SYK: variants seen among roughly 807,000 people sequenced by gnomAD.
SYK encodes spleen associated tyrosine kinase, also known as tyrosine-protein kinase SYK.
Under a neutral mutation model 77.8 loss-of-function variants are expected in SYK, and 16 were observed. That is an observed-to-expected ratio of 0.21 (90% CI 0.14 to 0.31). The LOEUF is 0.31. SYK is among the 10% of genes least tolerant of loss of function. SYK has a pLI of 1.00. For missense variants in SYK, 529 were observed against 814.4 expected (o/e 0.65, Z 4.26); for synonymous variants, 312 against 308.7 (o/e 1.01, Z -0.11).
rs567520657 is a variant in SYK, at chr9:90,841,068, T to C, written c.-41-2790T>C. 4.9e-3 allele frequency among the ~76,000 whole-genome samples: 738 copies of C among 152,054 alleles called. 1 individual carries two copies. The highest frequency in any genetic ancestry group is 7.9e-3 in the Non-Finnish European group (536 of 67,960). ...TGTATGTAGTGTAGTGTTAGTTGTG[T>C]GTACTATGGTGTGTGTGTGGCATGT... On this transcript the variant is annotated intron_variant, in intron 1 of 13. Coordinates refer to ENST00000375754, the MANE Select transcript of SYK (RefSeq NM_003177.7).
intron 2 of SYK, 37 bp from the exon 3 acceptor site, chr9:90,845,397 C>T (rs372610733): frequency 7.0e-6 from 11 of 1,572,284 alleles, no homozygotes; most frequent in Admixed American, 1.9e-5. Context: ...CATTTTTCCT[C>T]GGTATGGTTT....
chr9:90,822,471 A>C (rs1246898174), intron 1 of SYK, among the ~76,000 whole-genome samples: 1 of 152,264 alleles, frequency 6.6e-6, no homozygotes, highest in African/African-American at 2.4e-5. Flanking sequence ...TCTCAAAATG[A>C]GAATCTGCTA....
chr9:90,826,431 C>G (rs1825668848), intron 1 of SYK, among the ~76,000 whole-genome samples: 1 of 152,252 alleles, frequency 6.6e-6, no homozygotes, highest in Non-Finnish European at 1.5e-5. Context: ...AGATGTACAG[C>G]CAACCTCTTC....
At position 90,874,597 on chromosome 9, in the gene SYK, A is replaced by G. The variant is rs1225741632; in HGVS notation, c.1004-75A>G. 10 of 1,488,330 alleles carry G rather than the reference A, an allele frequency of 6.7e-6. No homozygotes were observed. In the Middle Eastern group the frequency reaches 8.9e-4, roughly 133 times the overall value. The allele number at this position is 1,488,330 out of a possible 1,614,324, so 92.2% of individuals were successfully genotyped here. The stretch of plus-strand genomic sequence containing the variant: ...CTACTCTGAGTTCATATTCCCATGA[A>G]GATCATGTTCTTGGAAGGATGAATC... On this transcript the variant is annotated intron_variant, in intron 8 of 13. Coordinates refer to ENST00000375754, the MANE Select transcript of SYK (RefSeq NM_003177.7).
chr9:90,855,776 G>A (rs1035993645), intron 3 of SYK, among the ~76,000 whole-genome samples: 18 of 151,718 alleles, frequency 1.2e-4, no homozygotes, highest in South Asian at 2.1e-4. Flanking sequence ...AGATGTCTGC[G>A]TTCCATCCCC....
chr9:90,871,526 C>G lies in SYK; in HGVS notation c.916-2678C>G, dbSNP rs536912674. On this transcript the variant is annotated intron_variant, in intron 7 of 13. Transcript: ENST00000375754. ...AAACTCCTCAAATTTTTCTTTTTAACTGAGCATTTTCTTTTAGAGATTGTT... is the reference window on the plus strand; with the variant it reads ...AAACTCCTCAAATTTTTCTTTTTAAGTGAGCATTTTCTTTTAGAGATTGTT... Among the ~76,000 whole-genome samples, 4 of 152,198 alleles carry G rather than the reference C, an allele frequency of 2.6e-5. No individual in the cohort carries two copies. In the South Asian group the frequency reaches 8.3e-4, roughly 32 times the overall value.
chr9:90,855,913 CTGGGCTGGATTAACAACTATGATCATT>C (rs1827021903), intron 3 of SYK, among the ~76,000 whole-genome samples: 1 of 152,110 alleles, frequency 6.6e-6, no homozygotes, highest in Non-Finnish European at 1.5e-5. Flanking sequence ...TGTTACCTAC[CTGGGCTGGATTAACAACTATGATCATT>C]TGAGATTTTC....
intron 9 of SYK, among the ~76,000 whole-genome samples, chr9:90,876,351 G>T (rs114498092): frequency 0.013 from 1,880 of 147,716 alleles, 40 homozygotes; most frequent in African/African-American, 0.045. Flanking sequence ...CTGTCCCTTC[G>T]ATTTGTTTTT....
At chr9:90,840,705 A>AAAAC (rs1826274090) in intron 1 of SYK, among the ~76,000 whole-genome samples, 1 of 152,232 alleles carries the variant, frequency 6.6e-6, no homozygotes, top group Non-Finnish European at 1.5e-5. Flanking sequence ...GATATACTTT[A>AAAAC]AAAAACAAAA....
At chr9:90,887,405 CTTT>C (rs3056951) in intron 11 of SYK, among the ~76,000 whole-genome samples, 1 of 128,934 alleles carries the variant, frequency 7.8e-6, no homozygotes, top group Admixed American at 8.1e-5. Context: ...TTCTTTCTTT[CTTT>C]TTTTTTTTTT....
intron 1 of SYK, among the ~76,000 whole-genome samples, chr9:90,812,590 A>G (rs1825121060): frequency 6.6e-6 from 1 of 152,190 alleles, no homozygotes; most frequent in Non-Finnish European, 1.5e-5. Flanking sequence ...CAGCTAGTTC[A>G]TAGGATTTCA....
At chr9:90,877,358 T>C (rs7867867) in intron 9 of SYK, among the ~76,000 whole-genome samples, 10,360 of 152,302 alleles carry the variant, frequency 0.068, 456 homozygotes, top group Middle Eastern at 0.13. Flanking sequence ...CATTCTTTTT[T>C]AGTAATGGAG....
intron 3 of SYK, among the ~76,000 whole-genome samples, chr9:90,852,520 G>C (rs1826857349): frequency 6.6e-6 from 1 of 152,192 alleles, no homozygotes; most frequent in Admixed American, 6.5e-5. Flanking sequence ...TTTAAAGATG[G>C]AAGTATTGTT....
At position 90,896,708 on chromosome 9, in the gene SYK, G is replaced by T. The variant is rs1829002795; in HGVS notation, c.*1108G>T. 1 of 231,006 alleles carries T rather than the reference G, an allele frequency of 4.3e-6. No homozygotes were observed. The highest frequency in any genetic ancestry group is 6.1e-5 in the East Asian group (1 of 16,284). The allele number at this position is 231,006 out of a possible 1,614,324, so 14.3% of individuals were successfully genotyped here. A position where few individuals can be genotyped will look rare whatever the true frequency, so the allele number is the denominator to read the frequency against. The stretch of plus-strand genomic sequence containing the variant: ...TTAACTAATCCTCATCTTCATGTTT[G>T]ATCTTTAAGAAGTCATCACCCATTG... On this transcript the variant is annotated 3_prime_UTR_variant, in exon 14 of 14. Transcript: ENST00000375754.
At chr9:90,831,749 G>A (rs781077641) in intron 1 of SYK, among the ~76,000 whole-genome samples, 1 of 152,186 alleles carries the variant, frequency 6.6e-6, no homozygotes, top group South Asian at 2.1e-4. Flanking sequence ...CGTTGAGGTC[G>A]CACAAGGTGA....
At chr9:90,867,272 G>A in intron 7 of SYK, 73 bp downstream of exon 7, 5 of 1,484,234 alleles carry the variant, frequency 3.4e-6, no homozygotes, top group Non-Finnish European at 4.7e-6. Context: ...CGCCCGCCCA[G>A]TCTGCCCTGT....
chr9:90,865,790 C>T (rs1827461706), intron 6 of SYK, among the ~76,000 whole-genome samples: 1 of 152,036 alleles, frequency 6.6e-6, no homozygotes, highest in Non-Finnish European at 1.5e-5. Context: ...ATTCACAGGA[C>T]CTCAGCTGTC....
intron 11 of SYK, among the ~76,000 whole-genome samples, chr9:90,884,342 C>T (rs1261407159): frequency 2.2e-5 from 3 of 135,764 alleles, no homozygotes; most frequent in African/African-American, 5.6e-5. Context: ...TATATATACA[C>T]ACATACACAT....
At chr9:90,887,594 T>TG (rs1460764952) in intron 11 of SYK, among the ~76,000 whole-genome samples, 155 bp from the exon 12 acceptor site, 1 of 151,882 alleles carries the variant, frequency 6.6e-6, no homozygotes, top group Non-Finnish European at 1.5e-5. Context: ...TTAATAGAGA[T>TG]GGGGTTTCCT....
Sources: gnomAD v4.1 joint callset for allele counts (sites outside exome capture counted in the v4.1 genomes callset) on GRCh38, gnomAD v4.1.1 for gene constraint, MANE v1.5 for transcripts, NCBI Gene and HGNC (gene_info 2026-07-23, HGNC 2026-07-21) for gene names.